Variants in ACOXL observed in about 807,000 individuals in gnomAD.
ACOXL encodes the protein acyl-coenzyme A oxidase-like protein.
Under a neutral mutation model 71.9 loss-of-function variants are expected in ACOXL, and 70 were observed. The observed-to-expected ratio is 0.97, with a 90% CI of 0.80 to 1.19. The LOEUF (loss-of-function observed/expected upper bound fraction) is 1.19. Ranked by LOEUF, ACOXL falls within the 50% of genes most tolerant of loss-of-function variation. ACOXL has a pLI of 0.00. For synonymous variants in ACOXL, 253 were observed against 281.6 expected (o/e 0.90, Z 1.02); for missense variants, 703 against 736.3 (o/e 0.95, Z 0.52).
chr2:110,736,042 G>T (rs1573252832), intron 1 of ACOXL, among the ~76,000 whole-genome samples: 1 of 151,928 alleles, frequency 6.6e-6, no homozygotes, highest in East Asian at 1.9e-4. Flanking sequence ...CTTTCTCTTT[G>T]TCCCCTTCTC....
chr2:110,995,759 G>C lies in ACOXL; in HGVS notation c.1170-134G>C, dbSNP rs150769188. ...AATACAGTCAGTGAGAGATGGGATG[G>C]GGAGATTATGTCTATTGACACTATT... is the stretch of plus-strand genomic sequence containing the variant. On this transcript the variant is annotated intron_variant, in intron 13 of 17. Transcript: ENST00000439055. 3.0e-4 allele frequency: 184 copies of C among 621,372 alleles called. 1 individual carries two copies. In the African/African-American group the frequency reaches 3.2e-3, roughly 11 times the overall value. 38.5% of individuals were successfully genotyped at this position (621,372 alleles called of 1,614,324 possible). A position where few individuals can be genotyped will look rare whatever the true frequency, so the allele number is the denominator to read the frequency against.
At chr2:110,750,579 A>T (rs189667803) in intron 1 of ACOXL, among the ~76,000 whole-genome samples, 1 of 148,878 alleles carries the variant, frequency 6.7e-6, no homozygotes, top group Non-Finnish European at 1.5e-5. Context: ...ATATATATAC[A>T]TATATATACA....
intron 12 of ACOXL, among the ~76,000 whole-genome samples, chr2:110,953,852 C>T (rs543379916): frequency 6.6e-6 from 1 of 152,204 alleles, no homozygotes; most frequent in Non-Finnish European, 1.5e-5. Flanking sequence ...GGGAGCCACA[C>T]ACTTTTAAAT....
At chr2:110,780,305 G>A (rs941193202) in intron 2 of ACOXL, among the ~76,000 whole-genome samples, 13 of 152,198 alleles carry the variant, frequency 8.5e-5, no homozygotes, top group Non-Finnish European at 1.3e-4. Flanking sequence ...GACTGACAAT[G>A]CTGGTAGGAT....
chr2:110,734,803 C>CAG (rs999375005), intron 1 of ACOXL, among the ~76,000 whole-genome samples: 2 of 152,002 alleles, frequency 1.3e-5, no homozygotes, highest in African/African-American at 4.8e-5. Context: ...TCCATAGGGA[C>CAG]AGAGGAAAGG....
intron 10 of ACOXL, among the ~76,000 whole-genome samples, chr2:110,903,809 G>T (rs147079134): frequency 4.1e-4 from 62 of 152,368 alleles, no homozygotes; most frequent in African/African-American, 1.3e-3. Context: ...GACTGTCATG[G>T]CCCTTGGTGA....
rs149807586 is a variant in ACOXL, at chr2:110,978,367, G to A, written c.1060-8741G>A. The stretch of plus-strand genomic sequence containing the variant: ...GAGCCCTCATGGCATAATCACCCCT[G>A]AACGTCTCCACCTTTTAATACTATT... On this transcript the variant is annotated intron_variant, in intron 12 of 17. Coordinates refer to ENST00000439055, the MANE Select transcript of ACOXL (RefSeq NM_001142807.4). Among the ~76,000 whole-genome samples the A allele has an allele frequency of 1.8e-3, 272 of 152,290 alleles. 2 individuals are homozygous for A. Among genetic ancestry groups the A allele is most frequent in the African/African-American group, 6.4e-3 (264 of 41,564 alleles).
At chr2:111,023,546 C>T (rs191510563) in intron 14 of ACOXL, among the ~76,000 whole-genome samples, 5 of 152,144 alleles carry the variant, frequency 3.3e-5, no homozygotes, top group Middle Eastern at 3.4e-3. Context: ...TCTGTGGGTC[C>T]GGATGGGTGT....
chr2:110,801,736 C>T lies in ACOXL; in HGVS notation c.620+12C>T. The T allele has an allele frequency of 1.2e-6, 2 of 1,611,984 alleles. No individual in the cohort carries two copies. Among genetic ancestry groups the T allele is most frequent in the South Asian group, 2.2e-5 (2 of 91,032 alleles). ...AACCTGCTGGATAAGTGAGTAGTTT[C>T]TCCTTAACTCAGGTCAATGGTGCAG... is the stretch of plus-strand genomic sequence containing the variant. On this transcript the variant is annotated intron_variant, in intron 8 of 17. Coordinates refer to ENST00000439055, the MANE Select transcript of ACOXL (RefSeq NM_001142807.4).
chr2:110,940,682 C>T (rs898580887), intron 12 of ACOXL, among the ~76,000 whole-genome samples: 22 of 152,174 alleles, frequency 1.4e-4, no homozygotes, highest in African/African-American at 5.3e-4. Context: ...TTCCAGGATT[C>T]TTTCTCTCCA....
chr2:110,908,731 T>G, intron 10 of ACOXL, 58 bp from the exon 11 acceptor site: 1 of 1,359,204 alleles, frequency 7.4e-7, no homozygotes. Context: ...GCTCTGGAAA[T>G]GAAGTTACCT....
intron 16 of ACOXL, among the ~76,000 whole-genome samples, chr2:111,054,383 C>T (rs972447281): frequency 3.3e-5 from 5 of 152,210 alleles, no homozygotes; most frequent in Non-Finnish European, 7.3e-5. Context: ...ATACCTTGAT[C>T]TAAGCAGACA....
chr2:110,989,195 T>G (rs1574403442), intron 13 of ACOXL, among the ~76,000 whole-genome samples: 2 of 152,276 alleles, frequency 1.3e-5, no homozygotes, highest in South Asian at 4.1e-4. Context: ...CTAATTTTAT[T>G]TTTCTCCTTT....
chr2:111,009,832 A>T (rs1193733091), intron 14 of ACOXL, among the ~76,000 whole-genome samples: 1 of 152,196 alleles, frequency 6.6e-6, no homozygotes, highest in African/African-American at 2.4e-5. Context: ...ATGCCTTAGG[A>T]GTAAAACTAT....
At chr2:110,903,753 G>T (rs62159552) in intron 10 of ACOXL, among the ~76,000 whole-genome samples, 10 of 152,254 alleles carry the variant, frequency 6.6e-5, no homozygotes, top group Non-Finnish European at 7.3e-5. Flanking sequence ...TGTGAGCTGT[G>T]TTCAGGGCCC....
intron 16 of ACOXL, among the ~76,000 whole-genome samples, chr2:111,052,884 G>T (rs2066362618): frequency 6.6e-6 from 1 of 152,064 alleles, no homozygotes; most frequent in African/African-American, 2.4e-5. Context: ...GGGGTAGTCT[G>T]TGGCACTTCC....
Position 111,092,850 on chromosome 2 carries a change from T to G in ACOXL, c.1441-15T>G, listed in dbSNP as rs77311714. ...TGCTATTTGTCCATTTCTTTTGTTT[T>G]CCCCCACCCCTTAGTTTTGTCTGTT... On this transcript the variant is annotated splice_polypyrimidine_tract_variant and intron_variant, in intron 16 of 17. Coordinates refer to ENST00000439055, the MANE Select transcript of ACOXL (RefSeq NM_001142807.4). The G allele has an allele frequency of 0.03, 47,353 of 1,595,828 alleles. 1,660 individuals carry two copies. Among genetic ancestry groups the G allele is most frequent in the South Asian group, 0.14 (12,703 of 90,030 alleles).
chr2:110,754,096 A>C (rs531728570), intron 1 of ACOXL, among the ~76,000 whole-genome samples: 116 of 130,654 alleles, frequency 8.9e-4, no homozygotes, highest in African/African-American at 3.4e-3. Context: ...TTTTTGAGAT[A>C]GGGTCTCACT....
At chr2:110,848,936 T>C (rs759616404) in intron 10 of ACOXL, among the ~76,000 whole-genome samples, 14 of 152,238 alleles carry the variant, frequency 9.2e-5, no homozygotes, top group African/African-American at 1.7e-4. Flanking sequence ...CTCCTCACGC[T>C]GCTGTCTCCT....
Sources: allele counts gnomAD v4.1 joint callset (sites outside exome capture counted in the v4.1 genomes callset), GRCh38; gene constraint gnomAD v4.1.1; transcripts MANE v1.5; gene names NCBI Gene and HGNC (gene_info 2026-07-23, HGNC 2026-07-21).